CNTNAP2: variants seen among roughly 807,000 people sequenced by gnomAD.
CNTNAP2 encodes the protein contactin associated protein 2.
Under a neutral mutation model 155.2 loss-of-function variants are expected in CNTNAP2, and 98 were observed. The observed-to-expected ratio is 0.63, with a 90% CI of 0.54 to 0.75. CNTNAP2 has a LOEUF of 0.75. CNTNAP2 is among the 30% of genes least tolerant of loss of function. The probability of loss-of-function intolerance (pLI) is 0.00; values close to 1 mark genes in which losing one functional copy is unlikely to be tolerated. For missense variants in CNTNAP2, 1,727 were observed against 1,688.1 expected (o/e 1.02, Z -0.40); for synonymous variants, 651 against 631.2 (o/e 1.03, Z -0.47).
chr7:147,839,106 A>G (rs80046669), intron 13 of CNTNAP2, among the ~76,000 whole-genome samples: 1 of 152,162 alleles, frequency 6.6e-6, no homozygotes, highest in African/African-American at 2.4e-5. Context: ...AGAAAAATAT[A>G]GACCAGAAGA....
intron 12 of CNTNAP2, among the ~76,000 whole-genome samples, chr7:147,604,902 A>G (rs10229818): frequency 0.41 from 62,953 of 152,062 alleles, 13,040 homozygotes; most frequent in Admixed American, 0.44. Flanking sequence ...GTTGCAATAG[A>G]CATCATATTA....
At chr7:148,079,136 C>T (rs1392038904) in intron 15 of CNTNAP2, among the ~76,000 whole-genome samples, 1 of 152,224 alleles carries the variant, frequency 6.6e-6, no homozygotes, top group Non-Finnish European at 1.5e-5. Flanking sequence ...GAAGAGATTT[C>T]TTCTGAGCCA....
At chr7:147,433,557 G>A (rs1797499925) in intron 10 of CNTNAP2, among the ~76,000 whole-genome samples, 1 of 152,144 alleles carries the variant, frequency 6.6e-6, no homozygotes, top group Admixed American at 6.5e-5. Context: ...CAAAAGTGTT[G>A]ATGACTGAGG....
At chr7:146,197,542 T>C (rs1798794872) in intron 1 of CNTNAP2, among the ~76,000 whole-genome samples, 2 of 152,186 alleles carry the variant, frequency 1.3e-5, no homozygotes, top group Non-Finnish European at 2.9e-5. Context: ...TTTTAAAATG[T>C]ACTCAAAGCT....
At chr7:146,506,590 G>A (rs1012052042) in intron 1 of CNTNAP2, among the ~76,000 whole-genome samples, 4 of 152,174 alleles carry the variant, frequency 2.6e-5, no homozygotes, top group Admixed American at 1.3e-4. Context: ...ACAACCTTTC[G>A]ATGGCCCATT....
chr7:147,639,027 T>C, intron 12 of CNTNAP2, 79 bp from the exon 13 acceptor site: 1 of 1,399,302 alleles, frequency 7.1e-7, no homozygotes, highest in East Asian at 2.3e-5. Context: ...CATTTAAGTG[T>C]GGCTCAATTA....
chr7:148,139,628 C>T (rs1380869810), intron 16 of CNTNAP2, among the ~76,000 whole-genome samples: 1 of 152,050 alleles, frequency 6.6e-6, no homozygotes, highest in African/African-American at 2.4e-5. Context: ...GCAACCTCCG[C>T]CTCCTGGGTC....
chr7:146,392,013 C>A (rs796948218), intron 1 of CNTNAP2, among the ~76,000 whole-genome samples: 26 of 152,162 alleles, frequency 1.7e-4, no homozygotes, highest in African/African-American at 6.0e-4. Flanking sequence ...GAAATTCATA[C>A]CAATTTAATT....
At chr7:147,043,414 T>C (rs185390096) in intron 3 of CNTNAP2, among the ~76,000 whole-genome samples, 17 of 152,322 alleles carry the variant, frequency 1.1e-4, no homozygotes, top group African/African-American at 4.1e-4. Context: ...TCTAAATGTG[T>C]CTACTCCAAT....
Position 146,736,126 on chromosome 7 carries a change from T to A in CNTNAP2, c.98-38145T>A, listed in dbSNP as rs1216810540. On this transcript the variant is annotated intron_variant, in intron 1 of 23. Transcript: ENST00000361727. ...AATTATTCATATGGCATGTATATTG[T>A]ATTAGTAATCTGGAAATGGTTTATA... is the stretch of plus-strand genomic sequence containing the variant. 3.9e-5 allele frequency among the ~76,000 whole-genome samples: 6 copies of A among 152,318 alleles called. No homozygotes were observed. The South Asian group carries it at 1.2e-3, about 32-fold the overall frequency.
intron 1 of CNTNAP2, among the ~76,000 whole-genome samples, chr7:146,556,054 T>C (rs569923174): frequency 6.4e-4 from 97 of 152,344 alleles, no homozygotes; most frequent in African/African-American, 2.3e-3. Flanking sequence ...TACATAGCAA[T>C]ATTTTATCAG....
At chr7:147,624,210 A>C (rs1794926637) in intron 12 of CNTNAP2, among the ~76,000 whole-genome samples, 1 of 152,084 alleles carries the variant, frequency 6.6e-6, no homozygotes, top group Non-Finnish European at 1.5e-5. Flanking sequence ...AAATTTCTTG[A>C]GTAATACCAC....
At chr7:146,522,948 A>G (rs1314907329) in intron 1 of CNTNAP2, among the ~76,000 whole-genome samples, 3 of 151,908 alleles carry the variant, frequency 2.0e-5, no homozygotes, top group African/African-American at 4.8e-5. Flanking sequence ...GGAAGAAATC[A>G]TAATAGAATG....
Position 147,251,503 on chromosome 7 carries a change from T to C in CNTNAP2, c.1349-48638T>C, listed in dbSNP as rs73742506. On this transcript the variant is annotated intron_variant, in intron 8 of 23. Coordinates refer to ENST00000361727, the MANE Select transcript of CNTNAP2 (RefSeq NM_014141.6). The stretch of plus-strand genomic sequence containing the variant: ...AATATTGTCTGACCTGTGGAGTGAC[T>C]TGAGCTTGTGTGCCTATGGCTCTGC... 7.2e-3 allele frequency among the ~76,000 whole-genome samples: 1,101 copies of C among 152,338 alleles called. 8 individuals carry two copies. The highest frequency in any genetic ancestry group is 0.025 in the African/African-American group (1,047 of 41,584).
chr7:147,282,359 C>T (rs950970632), intron 8 of CNTNAP2, among the ~76,000 whole-genome samples: 15 of 151,914 alleles, frequency 9.9e-5, no homozygotes, highest in African/African-American at 3.6e-4. Context: ...AACTTAGCTT[C>T]TCCAGGAAAG....
At position 147,277,963 on chromosome 7, in the gene CNTNAP2, T is replaced by C. The variant is rs1003843074; in HGVS notation, c.1349-22178T>C. Reference sequence around the variant, plus strand: ...TGGTCTTATCACTCATTCCATACCATGAAATGCATGCAAATTGCTCTTGCT... The same window carrying C: ...TGGTCTTATCACTCATTCCATACCACGAAATGCATGCAAATTGCTCTTGCT... On this transcript the variant is annotated intron_variant, in intron 8 of 23. Coordinates refer to ENST00000361727, the MANE Select transcript of CNTNAP2 (RefSeq NM_014141.6). 2.6e-5 allele frequency among the ~76,000 whole-genome samples: 4 copies of C among 151,802 alleles called. No homozygotes were observed. The East Asian group carries it at 7.7e-4, about 29-fold the overall frequency.
intron 4 of CNTNAP2, among the ~76,000 whole-genome samples, chr7:147,084,064 A>C (rs1800214303): frequency 9.0e-6 from 1 of 110,854 alleles, no homozygotes; most frequent in African/African-American, 3.4e-5. Context: ...ATGTATATAT[A>C]ATACATATAT....
intron 18 of CNTNAP2, among the ~76,000 whole-genome samples, chr7:148,176,798 G>C (rs181440440): frequency 2.6e-4 from 39 of 152,192 alleles, no homozygotes; most frequent in African/African-American, 9.4e-4. Flanking sequence ...AGAATTCCTT[G>C]GCACCCCATC....
At chr7:147,492,766 G>A (rs1355717202) in intron 11 of CNTNAP2, among the ~76,000 whole-genome samples, 1 of 152,142 alleles carries the variant, frequency 6.6e-6, no homozygotes, top group African/African-American at 2.4e-5. Context: ...ACTTATAGAA[G>A]GTGAAGTCAG....
Sources: allele counts gnomAD v4.1 joint callset (sites outside exome capture counted in the v4.1 genomes callset), GRCh38; gene constraint gnomAD v4.1.1; transcripts MANE v1.5; gene names NCBI Gene and HGNC (gene_info 2026-07-23, HGNC 2026-07-21).